Variants in HTR1F observed in about 807,000 individuals in gnomAD.
HTR1F encodes 5-hydroxytryptamine receptor 1F, also known as 5-hydroxytryptamine (serotonin) receptor 1F, G protein-coupled.
HTR1F carries 17 observed loss-of-function variants against 24.0 expected under a neutral mutation model. The observed-to-expected ratio is 0.71, with a 90% confidence interval of 0.48 to 1.06. HTR1F has a LOEUF of 1.06. HTR1F is among the 50% of genes least tolerant of loss of function. The pLI, the probability that HTR1F is intolerant of heterozygous loss-of-function variation, is 0.00. For missense variants in HTR1F, 391 were observed against 427.8 expected, an observed-to-expected ratio of 0.91 and a Z score of 0.76; for synonymous variants, 186 against 156.8, an observed-to-expected ratio of 1.19 and a Z score of -1.39.
Position 87,989,254 on chromosome 3 carries a change from C to A in HTR1F, c.-42-1454C>A, listed in dbSNP as rs149626970. ...AACTTATAAGCCATGAATGGAGAGT[C>A]CTTTTTCAGAAGCAAGGTAACCCGG... On this transcript the variant is annotated intron_variant, in intron 2 of 2. Transcript: ENST00000319595. Among the ~76,000 whole-genome samples the A allele has an allele frequency of 7.2e-5, 11 of 152,188 alleles. No individual in the cohort carries two copies. The East Asian group carries it at 1.9e-3, about 27-fold the overall frequency.
intron 2 of HTR1F, among the ~76,000 whole-genome samples, chr3:87,926,155 G>A (rs974960122): frequency 1.3e-5 from 2 of 152,160 alleles, no homozygotes; most frequent in Non-Finnish European, 2.9e-5. Context: ...CATTACTGAA[G>A]TGAAAGTATG....
At chr3:87,867,583 C>T (rs968542123) in intron 2 of HTR1F, among the ~76,000 whole-genome samples, 7 of 148,908 alleles carry the variant, frequency 4.7e-5, no homozygotes, top group African/African-American at 1.7e-4. Flanking sequence ...TGACCTCCCC[C>T]AGAAAATCAA....
At chr3:87,939,610 C>A (rs575951332) in intron 2 of HTR1F, among the ~76,000 whole-genome samples, 3 of 151,938 alleles carry the variant, frequency 2.0e-5, no homozygotes. Context: ...GGAGAGTGTA[C>A]GTGTCCAGGA....
intron 1 of HTR1F, among the ~76,000 whole-genome samples, chr3:87,794,300 CTT>C (rs1179481369): frequency 2.6e-5 from 4 of 152,194 alleles, no homozygotes; most frequent in Non-Finnish European, 4.4e-5. Flanking sequence ...AGCATCACCA[CTT>C]CGTGCCTTCC....
chr3:87,908,996 A>G (rs1490754308), intron 2 of HTR1F, among the ~76,000 whole-genome samples: 1 of 152,098 alleles, frequency 6.6e-6, no homozygotes, highest in Non-Finnish European at 1.5e-5. Flanking sequence ...AGTAGATATA[A>G]TTAATGTTCT....
intron 2 of HTR1F, among the ~76,000 whole-genome samples, chr3:87,918,529 C>A (rs557027792): frequency 1.6e-4 from 24 of 152,122 alleles, no homozygotes; most frequent in African/African-American, 5.8e-4. Context: ...AGCAAAGTTT[C>A]CAGATACAAA....
At chr3:87,818,192 T>C (rs943355215) in intron 1 of HTR1F, among the ~76,000 whole-genome samples, 1 of 152,150 alleles carries the variant, frequency 6.6e-6, no homozygotes, top group Non-Finnish European at 1.5e-5. Context: ...CTGTGCTAAA[T>C]ACATCCATAT....
chr3:87,826,957 T>A (rs1272365818), intron 2 of HTR1F, among the ~76,000 whole-genome samples: 1 of 151,992 alleles, frequency 6.6e-6, no homozygotes, highest in East Asian at 1.9e-4. Context: ...ACTACAAGCA[T>A]GGGCCACCAT....
intron 2 of HTR1F, among the ~76,000 whole-genome samples, chr3:87,880,985 C>T (rs929121426): frequency 6.6e-6 from 1 of 152,164 alleles, no homozygotes; most frequent in African/African-American, 2.4e-5. Context: ...AGGAACAGCT[C>T]CAGTCTGCAG....
intron 2 of HTR1F, among the ~76,000 whole-genome samples, chr3:87,841,804 G>A (rs1704810689): frequency 6.7e-6 from 1 of 148,688 alleles, no homozygotes. Context: ...GGAGGCTGAG[G>A]CAGAAGAATC....
At chr3:87,899,165 C>A (rs1463551237) in intron 2 of HTR1F, among the ~76,000 whole-genome samples, 1 of 152,126 alleles carries the variant, frequency 6.6e-6, no homozygotes, top group African/African-American at 2.4e-5. Context: ...TGTCCTTTGA[C>A]AATGCTAGGC....
intron 2 of HTR1F, among the ~76,000 whole-genome samples, chr3:87,835,877 A>G (rs2932305): frequency 0.15 from 23,556 of 152,086 alleles, 2,071 homozygotes; most frequent in African/African-American, 0.24. Context: ...TGCACATTAT[A>G]AAGCAAATGA....
chr3:87,866,424 T>A (rs1036655062), intron 2 of HTR1F, among the ~76,000 whole-genome samples: 4 of 152,140 alleles, frequency 2.6e-5, no homozygotes, highest in Non-Finnish European at 5.9e-5. Context: ...TATAAATCCT[T>A]TGACCGAAAA....
chr3:87,865,071 T>C (rs1392204732), intron 2 of HTR1F, among the ~76,000 whole-genome samples: 2 of 152,166 alleles, frequency 1.3e-5, no homozygotes, highest in Non-Finnish European at 2.9e-5. Context: ...ATAACTGTCA[T>C]CTGCATGAAG....
intron 1 of HTR1F, among the ~76,000 whole-genome samples, chr3:87,810,924 C>T (rs1351062370): frequency 6.6e-6 from 1 of 152,126 alleles, no homozygotes; most frequent in Non-Finnish European, 1.5e-5. Context: ...TGGAACTCAT[C>T]TGAGATAGAT....
In HTR1F at chr3:87,931,120, C is replaced by A. The variant is rs1471297132; in HGVS notation, c.-42-59588C>A. On this transcript the variant is annotated intron_variant, in intron 2 of 2. Coordinates refer to ENST00000319595, the MANE Select transcript of HTR1F (RefSeq NM_001322209.2). ...ACAATGTGCAGGTTACATATGTATA[C>A]ATGTGCCATGCTGGTGTGCTGCACC... 4.1e-5 allele frequency among the ~76,000 whole-genome samples: 6 copies of A among 147,748 alleles called. No individual in the cohort carries two copies. In the Admixed American group the frequency reaches 4.2e-4, roughly 10 times the overall value.
chr3:87,984,792 G>A (rs1576122417), intron 2 of HTR1F, among the ~76,000 whole-genome samples: 1 of 151,830 alleles, frequency 6.6e-6, no homozygotes, highest in South Asian at 2.1e-4. Context: ...AGATTTATTA[G>A]CACAAAAATA....
intron 2 of HTR1F, among the ~76,000 whole-genome samples, chr3:87,953,425 G>C (rs1315851753): frequency 6.6e-6 from 1 of 151,258 alleles, no homozygotes; most frequent in Non-Finnish European, 1.5e-5. Flanking sequence ...CATACAAATG[G>C]CCAACAGGTA....
At chr3:87,990,670 G>A in intron 2 of HTR1F, 38 bp from the exon 3 acceptor site, 1 of 1,030,318 alleles carries the variant, frequency 9.7e-7, no homozygotes, top group South Asian at 1.6e-5. Flanking sequence ...AGTTCTTGAA[G>A]CCTTCTCTGA....
Sources: gnomAD v4.1 joint callset for allele counts (sites outside exome capture counted in the v4.1 genomes callset) on GRCh38, gnomAD v4.1.1 for gene constraint, MANE v1.5 for transcripts, NCBI Gene and HGNC (gene_info 2026-07-23, HGNC 2026-07-21) for gene names.